PHYHIPL: variants seen among roughly 807,000 people sequenced by gnomAD.
The protein encoded by PHYHIPL is phytanoyl-CoA hydroxylase-interacting protein-like.
Under a neutral mutation model 33.4 loss-of-function variants are expected in PHYHIPL, and 9 were observed. The observed-to-expected ratio is 0.27, with a 90% CI of 0.16 to 0.47. The LOEUF (loss-of-function observed/expected upper bound fraction) is 0.47, where lower values mean the gene tolerates loss of function less well. Among genes scored for constraint, PHYHIPL ranks in the 20% least tolerant of loss-of-function variants. The pLI is 0.99. For missense variants in PHYHIPL, 365 were observed against 460.7 expected, an observed-to-expected ratio of 0.79 and a Z score of 1.90; for synonymous variants, 153 against 154.1, an observed-to-expected ratio of 0.99 and a Z score of 0.05.
intron 1 of PHYHIPL, among the ~76,000 whole-genome samples, chr10:59,226,868 G>A (rs1839941763): frequency 6.6e-6 from 1 of 151,914 alleles, no homozygotes; most frequent in Non-Finnish European, 1.5e-5. Context: ...TCCATATAGT[G>A]AAAGACAGAA....
chr10:59,225,047 CT>C (rs1839888732), intron 1 of PHYHIPL, among the ~76,000 whole-genome samples: 1 of 150,868 alleles, frequency 6.6e-6, no homozygotes, highest in Non-Finnish European at 1.5e-5. Flanking sequence ...AAAAAACTTA[CT>C]GTTCTTAATA....
rs139517158 is a variant in PHYHIPL at position 59,200,584 on chromosome 10, G to T, written c.106+23625G>T. Among the ~76,000 whole-genome samples, 35 of 152,242 alleles carry T rather than the reference G, an allele frequency of 2.3e-4. 1 individual carries two copies. In the East Asian group the frequency reaches 6.6e-3, roughly 29 times the overall value. On this transcript the variant is annotated intron_variant, in intron 1 of 4. Transcript: ENST00000373880. ...GTGCTGGCCTCATAAAATGAGTTAG[G>T]GAGGATTCCCCCTTTTTCTACTGAT...
intron 1 of PHYHIPL, among the ~76,000 whole-genome samples, chr10:59,230,488 T>C (rs1840047892): frequency 6.6e-6 from 1 of 152,164 alleles, no homozygotes; most frequent in South Asian, 2.1e-4. Context: ...GTGCTGGGAT[T>C]ACAGGCACGA....
intron 1 of PHYHIPL, among the ~76,000 whole-genome samples, chr10:59,210,124 T>C (rs898029822): frequency 2.6e-5 from 4 of 151,994 alleles, no homozygotes; most frequent in Non-Finnish European, 5.9e-5. Flanking sequence ...AAAGAAACTA[T>C]CATCAGAGTG....
intron 1 of PHYHIPL, among the ~76,000 whole-genome samples, chr10:59,223,671 T>C (rs1839840014): frequency 1.0e-5 from 1 of 96,478 alleles, no homozygotes; most frequent in Non-Finnish European, 2.0e-5. Context: ...AGTTTAACTA[T>C]TTTTTTTTTG....
At chr10:59,185,022 G>C (rs1234050252) in intron 1 of PHYHIPL, among the ~76,000 whole-genome samples, 2 of 122,068 alleles carry the variant, frequency 1.6e-5, no homozygotes, top group African/African-American at 3.3e-5. Context: ...ACGGAGTCTC[G>C]CTCTGCCACC....
chr10:59,237,525 AT>A (rs1187010510), intron 3 of PHYHIPL, among the ~76,000 whole-genome samples: 1 of 151,998 alleles, frequency 6.6e-6, no homozygotes, highest in East Asian at 1.9e-4. Context: ...GCTCTTGTTT[AT>A]CAGAATAATT....
intron 1 of PHYHIPL, chr10:59,206,808 G>A: frequency 8.2e-7 from 1 of 1,223,790 alleles, no homozygotes; most frequent in Non-Finnish European, 1.0e-6. Flanking sequence ...AAGCACCATT[G>A]GTTCATGGCA....
chr10:59,212,702 C>T (rs1421899059), intron 1 of PHYHIPL, among the ~76,000 whole-genome samples: 1 of 152,118 alleles, frequency 6.6e-6, no homozygotes, highest in Non-Finnish European at 1.5e-5. Context: ...TGGGAGTCTG[C>T]CCAATTTGTG....
chr10:59,241,510 G>A (rs1423119744), intron 4 of PHYHIPL, among the ~76,000 whole-genome samples: 3 of 152,024 alleles, frequency 2.0e-5, no homozygotes, highest in Non-Finnish European at 4.4e-5. Flanking sequence ...TATCTGAAGG[G>A]TTTCAGGAAT....
In PHYHIPL at chr10:59,202,250, C is replaced by T. The variant is rs567391374; in HGVS notation, c.106+25291C>T. ...CCACCGGGTACAATGTCTAATATTT[C>T]AGTAATAGGGTACACTAGAAGCCCA... is the stretch of plus-strand genomic sequence containing the variant. On this transcript the variant is annotated intron_variant, in intron 1 of 4. Transcript: ENST00000373880. Among the ~76,000 whole-genome samples the T allele has an allele frequency of 3.3e-5, 5 of 152,102 alleles. No individual in the cohort carries two copies. In the South Asian group the frequency reaches 1.0e-3, roughly 32 times the overall value.
intron 1 of PHYHIPL, among the ~76,000 whole-genome samples, chr10:59,223,024 ATGTC>A (rs1050343970): frequency 4.9e-4 from 74 of 152,264 alleles, no homozygotes; most frequent in African/African-American, 1.7e-3. Context: ...ATTCCAACCC[ATGTC>A]TGTCTGACTA....
intron 3 of PHYHIPL, among the ~76,000 whole-genome samples, chr10:59,237,672 A>G (rs1022593193): frequency 6.6e-6 from 1 of 151,914 alleles, no homozygotes; most frequent in Non-Finnish European, 1.5e-5. Flanking sequence ...TAGGCACTGT[A>G]CAATGTATTG....
At chr10:59,203,874 A>C (rs1365423622) in intron 1 of PHYHIPL, among the ~76,000 whole-genome samples, 1 of 152,176 alleles carries the variant, frequency 6.6e-6, no homozygotes, top group Non-Finnish European at 1.5e-5. Context: ...TATGTAGGAA[A>C]CCAGCACGTT....
upstream of PHYHIPL, among the ~76,000 whole-genome samples, chr10:59,174,515 C>T (rs544427104): frequency 2.6e-5 from 4 of 152,148 alleles, no homozygotes; most frequent in Admixed American, 6.5e-5. Flanking sequence ...TATTTAATAT[C>T]GAAAGTTAAA....
At chr10:59,178,558 T>C (rs1838318669) in intron 1 of PHYHIPL, among the ~76,000 whole-genome samples, 1 of 152,164 alleles carries the variant, frequency 6.6e-6, no homozygotes, top group Non-Finnish European at 1.5e-5. Flanking sequence ...AACACAAGAC[T>C]AATAAAAGTA....
rs115397317 is a variant in PHYHIPL at position 59,231,871 on chromosome 10, G to A, written c.107-2433G>A. 9.5e-3 allele frequency among the ~76,000 whole-genome samples: 1,440 copies of A among 151,992 alleles called. 4 individuals carry two copies. The highest frequency in any genetic ancestry group is 0.021 in the Admixed American group (313 of 15,246). The stretch of plus-strand genomic sequence containing the variant: ...GTAGAACAATTACAGACAACACTTC[G>A]ATCGTATGCAGTAAGTAAAGCTGGA... On this transcript the variant is annotated intron_variant, in intron 1 of 4. Coordinates refer to ENST00000373880, the MANE Select transcript of PHYHIPL (RefSeq NM_032439.4).
At position 59,203,661 on chromosome 10, in the gene PHYHIPL, G is replaced by A. The variant is rs1368839908; in HGVS notation, c.106+26702G>A. Among the ~76,000 whole-genome samples, 10 of 151,736 alleles carry A rather than the reference G, an allele frequency of 6.6e-5. No individual in the cohort carries two copies. In the South Asian group the frequency reaches 1.5e-3, roughly 22 times the overall value. On this transcript the variant is annotated intron_variant, in intron 1 of 4. Transcript: ENST00000373880. ...AAACCATCATTCTGAGCAAACTATC[G>A]CAAGGACAGAAAGCCAAACACCACA...
rs189524739 is a variant in PHYHIPL at position 59,193,359 on chromosome 10, A to T, written c.106+16400A>T. ...CTTACTGTAGAAATACACTGGATTA[A>T]TTTTTTCCCCTTAAGCAACATAATC... On this transcript the variant is annotated intron_variant, in intron 1 of 4. Coordinates refer to ENST00000373880, the MANE Select transcript of PHYHIPL (RefSeq NM_032439.4). 2.4e-3 allele frequency among the ~76,000 whole-genome samples: 363 copies of T among 152,218 alleles called. 2 individuals carry two copies. The highest frequency in any genetic ancestry group is 7.9e-3 in the African/African-American group (328 of 41,538).
Sources: allele counts gnomAD v4.1 joint callset (sites outside exome capture counted in the v4.1 genomes callset), GRCh38; gene constraint gnomAD v4.1.1; transcripts MANE v1.5; gene names NCBI Gene and HGNC (gene_info 2026-07-23, HGNC 2026-07-21).